The following PCLO variants were observed in gnomAD, a reference collection of about 807,000 sequenced individuals.
The protein encoded by PCLO is piccolo presynaptic cytomatrix protein, also known as protein piccolo.
In PCLO, 82 loss-of-function variants were observed where a neutral mutation model predicts 427.5. That is an observed-to-expected ratio of 0.19 (90% CI 0.16 to 0.23). The LOEUF (loss-of-function observed/expected upper bound fraction) is 0.23. PCLO is among the 10% of genes least tolerant of loss of function. The pLI is 1.00. For missense variants in PCLO, 6,239 were observed against 6,115.9 expected (o/e 1.02, Z -0.67); for synonymous variants, 2,357 against 2,155.4 (o/e 1.09, Z -2.59).
intron 6 of PCLO, among the ~76,000 whole-genome samples, chr7:82,932,927 T>C (rs1453231431): frequency 6.6e-6 from 1 of 152,102 alleles, no homozygotes; most frequent in East Asian, 1.9e-4. Context: ...CCCATCTTAT[T>C]GAACTTCTAC....
chr7:82,906,317 C>T (rs1033817581), intron 8 of PCLO, among the ~76,000 whole-genome samples: 1 of 151,848 alleles, frequency 6.6e-6, no homozygotes, highest in Non-Finnish European at 1.5e-5. Context: ...TCTTGTTATG[C>T]ATATGTTTTC....
intron 3 of PCLO, among the ~76,000 whole-genome samples, chr7:83,031,064 G>A (rs78433511): frequency 0.14 from 20,599 of 152,140 alleles, 1,539 homozygotes; most frequent in Middle Eastern, 0.23. Context: ...TCTAGGATCT[G>A]GGAGGAGTCA....
At chr7:83,042,889 C>G (rs1251095208) in intron 3 of PCLO, among the ~76,000 whole-genome samples, 1 of 151,810 alleles carries the variant, frequency 6.6e-6, no homozygotes, top group Non-Finnish European at 1.5e-5. Context: ...ACAACAACAG[C>G]AAAGATGATG....
intron 6 of PCLO, 115 bp downstream of exon 6, chr7:82,949,361 C>T (rs1795277382): frequency 2.6e-6 from 2 of 758,078 alleles, no homozygotes; most frequent in African/African-American, 1.7e-5. Flanking sequence ...TAATCTTCAC[C>T]CTAATCTAGT....
At chr7:83,162,007 G>C (rs1293606113) in intron 1 of PCLO, among the ~76,000 whole-genome samples, 2 of 152,296 alleles carry the variant, frequency 1.3e-5, no homozygotes, top group African/African-American at 4.8e-5. Flanking sequence ...TAACACGTCC[G>C]TGTTGTATTA....
intron 17 of PCLO, among the ~76,000 whole-genome samples, chr7:82,827,267 T>G (rs1367992794): frequency 1.3e-5 from 2 of 152,086 alleles, no homozygotes; most frequent in Non-Finnish European, 2.9e-5. Flanking sequence ...ACATTTCAGT[T>G]ATTGTCTGTT....
intron 3 of PCLO, among the ~76,000 whole-genome samples, chr7:83,047,669 G>T (rs1789136434): frequency 6.6e-6 from 1 of 151,876 alleles, no homozygotes; most frequent in Non-Finnish European, 1.5e-5. Flanking sequence ...AATTCTCCAG[G>T]TACTTTATTA....
Position 82,949,922 on chromosome 7 carries a change from G to A in PCLO, c.10666C>T (p.Pro3556Ser). 1 of 1,613,624 alleles carries A rather than the reference G, an allele frequency of 6.2e-7. No individual in the cohort carries two copies. Among genetic ancestry groups the A allele is most frequent in the Non-Finnish European group, 8.5e-7 (1 of 1,179,818 alleles). The change falls in exon 6 of 25, where the codon CCT becomes TCT. Residue 3556 changes from proline (P) to serine (S), a missense_variant. Around this residue, in one of 5 missense-constraint regions of PCLO, gnomAD observed 4,677 missense variants for 4,468.4 expected, o/e 1.05. Coordinates refer to ENST00000333891, the MANE Select transcript of PCLO (RefSeq NM_033026.6). Reference sequence around the variant, plus strand: ...CTGCCCCCTTTGTAAGTCTTTTCAGGTGCTGAAATGTGTTTAATTATTTCT... The same window carrying A: ...CTGCCCCCTTTGTAAGTCTTTTCAGATGCTGAAATGTGTTTAATTATTTCT... Reference protein sequence around the residue: ...KVEIIKHISAPEKTYKGGSLG... With the variant: ...KVEIIKHISASEKTYKGGSLG...
In PCLO at chr7:83,155,517, T is replaced by TGAGCTGGAGGCTTAGCAGGACGAAGAG; in HGVS notation, c.1123_1124insCTCTTCGTCCTGCTAAGCCTCCAGCTC (p.Gln374_Gln375insProLeuArgProAlaLysProProAla). ...CGATGAAGGCTTCTCTGACCCAGTC[T>TGAGCTGGAGGCTTAGCAGGACGAAGAG]GCTGAGCTGGAGGCTTAGCAGGACC... On this transcript the variant is annotated inframe_insertion, in exon 2 of 25. Coordinates refer to ENST00000333891, the MANE Select transcript of PCLO (RefSeq NM_033026.6). 3.1e-6 allele frequency: 5 copies of TGAGCTGGAGGCTTAGCAGGACGAAGAG among 1,609,456 alleles called. 1 individual carries two copies. The South Asian group carries it at 5.5e-5, about 18-fold the overall frequency.
intron 3 of PCLO, among the ~76,000 whole-genome samples, chr7:83,021,852 T>G (rs2116062361): frequency 6.6e-6 from 1 of 152,282 alleles, no homozygotes; most frequent in South Asian, 2.1e-4. Context: ...AAATAGAATT[T>G]TATAAGCATT....
intron 20 of PCLO, among the ~76,000 whole-genome samples, chr7:82,806,282 T>C (rs1791455858): frequency 6.6e-6 from 1 of 152,158 alleles, no homozygotes; most frequent in Admixed American, 6.5e-5. Flanking sequence ...AATCTGTTTT[T>C]CTCCTTAGAA....
rs1445691499 is a variant in PCLO, at chr7:82,915,173, T to C, written c.12813A>G (p.Ile4271Met). ...CCGCTTCATCCTGCAGAGCTGAGCGTATGGTATTTCCTAATGTGCCCAGTC... is the reference window on the plus strand; with the variant it reads ...CCGCTTCATCCTGCAGAGCTGAGCGCATGGTATTTCCTAATGTGCCCAGTC... The part of the protein sequence containing the change: ...GTGLGTLGNT[I>M]RSALQDEADK... The change falls in exon 7 of 25, where the codon ATA (isoleucine) becomes ATG (methionine). Residue 4271 changes from isoleucine (I) to methionine (M), a missense_variant. Around this residue, in one of 5 missense-constraint regions of PCLO, gnomAD observed 680 missense variants for 677.3 expected, o/e 1.00. Transcript: ENST00000333891. The C allele has an allele frequency of 1.2e-6, 2 of 1,603,550 alleles. No individual in the cohort carries two copies. Among genetic ancestry groups the C allele is most frequent in the Non-Finnish European group, 1.7e-6 (2 of 1,174,400 alleles).
chr7:82,923,002 A>G (rs1794633163), intron 6 of PCLO, among the ~76,000 whole-genome samples: 1 of 151,968 alleles, frequency 6.6e-6, no homozygotes, highest in Non-Finnish European at 1.5e-5. Context: ...GGTGGTAGAG[A>G]TGTGGATTCT....
chr7:83,149,069 G>A (rs1293711276), intron 2 of PCLO, among the ~76,000 whole-genome samples: 1 of 152,166 alleles, frequency 6.6e-6, no homozygotes, highest in Admixed American at 6.5e-5. Context: ...GAAGGTCCTA[G>A]TTTTCTCATG....
At chr7:82,992,081 C>T (rs10259090) in intron 3 of PCLO, among the ~76,000 whole-genome samples, 4,613 of 152,170 alleles carry the variant, frequency 0.03, 240 homozygotes, top group African/African-American at 0.1. Flanking sequence ...GCAATGAACA[C>T]CTTTTCAAAA....
At chr7:82,899,459 T>C (rs939856631) in intron 9 of PCLO, among the ~76,000 whole-genome samples, 1 of 151,466 alleles carries the variant, frequency 6.6e-6, no homozygotes, top group Non-Finnish European at 1.5e-5. Context: ...GAATATAAAA[T>C]GCAGATTGTT....
chr7:82,861,791 A>G (rs975684076), intron 10 of PCLO, among the ~76,000 whole-genome samples: 1 of 152,042 alleles, frequency 6.6e-6, no homozygotes, highest in Non-Finnish European at 1.5e-5. Flanking sequence ...CTCTTACTAC[A>G]ATGAAATAAA....
chr7:82,758,677 C>A lies in PCLO; in HGVS notation c.15327G>T (p.Lys5109Asn). 1 of 1,607,408 alleles carries A rather than the reference C, an allele frequency of 6.2e-7. No individual in the cohort carries two copies. Among genetic ancestry groups the A allele is most frequent in the East Asian group, 2.2e-5 (1 of 44,784 alleles). ...AGATACAGGCTTCACCAATCAAGGT[C>A]TTTTTCATAAACTTCCCTCCATTGG... ...LFSNGGKFMK[K>N]TLIGEACIWL... The change falls in exon 25 of 25, where the codon AAG becomes AAT. Residue 5109 changes from lysine (K) to asparagine (N), a missense_variant. This residue lies in a region of PCLO where 877 missense variants were observed against 925.5 expected (regional missense o/e 0.95). Coordinates refer to ENST00000333891, the MANE Select transcript of PCLO (RefSeq NM_033026.6).
intron 10 of PCLO, among the ~76,000 whole-genome samples, chr7:82,853,872 C>T (rs1364704031): frequency 6.6e-6 from 1 of 152,062 alleles, no homozygotes; most frequent in African/African-American, 2.4e-5. Context: ...TTATTTCCAT[C>T]CTATGATAGA....
Sources: gnomAD v4.1 joint callset for allele counts (sites outside exome capture counted in the v4.1 genomes callset) on GRCh38, gnomAD v4.1.1 for gene constraint, gnomAD v4.1.1 regional missense constraint, MANE v1.5 for transcripts, NCBI Gene and HGNC (gene_info 2026-07-23, HGNC 2026-07-21) for gene names.